Variants in PTPRT observed in about 807,000 individuals in gnomAD.
The protein encoded by PTPRT is protein tyrosine phosphatase receptor type T.
PTPRT carries 56 observed loss-of-function variants against 176.8 expected under a neutral mutation model. The ratio of observed to expected loss-of-function variants is 0.32; its 90% CI spans 0.26 to 0.40. The LOEUF (loss-of-function observed/expected upper bound fraction) is 0.40, where lower values mean the gene tolerates loss of function less well. PTPRT is among the 10% of genes least tolerant of loss of function. The pLI, the probability that PTPRT is intolerant of heterozygous loss-of-function variation, is 1.00. For missense variants in PTPRT, 1,540 were observed against 1,908.2 expected, an observed-to-expected ratio of 0.81 and a Z score of 3.60; for synonymous variants, 783 against 739.0, an observed-to-expected ratio of 1.06 and a Z score of -0.96.
At chr20:42,561,422 T>C (rs1719820919) in intron 7 of PTPRT, among the ~76,000 whole-genome samples, 1 of 152,186 alleles carries the variant, frequency 6.6e-6, no homozygotes, top group Non-Finnish European at 1.5e-5. Flanking sequence ...TTAATACCAA[T>C]GACACTGCTC....
chr20:42,763,429 G>A (rs1421478053), intron 5 of PTPRT, among the ~76,000 whole-genome samples: 4 of 150,476 alleles, frequency 2.7e-5, no homozygotes, highest in African/African-American at 9.9e-5. Context: ...GAAGCCTTCA[G>A]TGTGTTGGTT....
chr20:42,196,787 C>T (rs922375010), intron 16 of PTPRT, among the ~76,000 whole-genome samples: 1 of 152,056 alleles, frequency 6.6e-6, no homozygotes, highest in Non-Finnish European at 1.5e-5. Context: ...TTAGGCAAAC[C>T]GCAAATTTGC....
chr20:43,138,485 C>T (rs1054245461), intron 1 of PTPRT, among the ~76,000 whole-genome samples: 1 of 152,222 alleles, frequency 6.6e-6, no homozygotes, highest in African/African-American at 2.4e-5. Context: ...CACATGATAA[C>T]AGCATTTACC....
the PTPRT span, among the ~76,000 whole-genome samples, chr20:42,045,646 T>C: frequency 7.7e-6 from 1 of 130,416 alleles, no homozygotes; most frequent in East Asian, 2.1e-4. Flanking sequence ...CCTGTACAAG[T>C]GGAAAGTCCT....
At chr20:42,165,128 T>C (rs1221423869) in intron 16 of PTPRT, among the ~76,000 whole-genome samples, 1 of 152,050 alleles carries the variant, frequency 6.6e-6, no homozygotes, top group East Asian at 1.9e-4. Flanking sequence ...GTCTTCCTGC[T>C]CTCTCCTCCT....
rs73618869 is a variant in PTPRT at position 43,090,479 on chromosome 20, A to G, written c.88+99167T>C. 5.5e-3 allele frequency among the ~76,000 whole-genome samples: 841 copies of G among 152,226 alleles called. 3 individuals carry two copies. Among genetic ancestry groups the G allele is most frequent in the South Asian group, 9.1e-3 (44 of 4,818 alleles). On this transcript the variant is annotated intron_variant, in intron 1 of 30. Transcript: ENST00000373187. ...GAGACAGGGTTTCACCGTTTTAGCC[A>G]GGATGGTCTTGATATTCTGACCTCG... is the stretch of plus-strand genomic sequence containing the variant.
Position 42,494,931 on chromosome 20 carries a change from T to C in PTPRT, c.1154-22369A>G, listed in dbSNP as rs183616569. ...ACATTAATTTAGCATCACATCTTTC[T>C]AGAAACCTTTCCTGTTTCCTCGGGC... On this transcript the variant is annotated intron_variant, in intron 7 of 30. Coordinates refer to ENST00000373187, the MANE Select transcript of PTPRT (RefSeq NM_007050.6). 3.3e-4 allele frequency among the ~76,000 whole-genome samples: 50 copies of C among 152,340 alleles called. No individual in the cohort carries two copies. The East Asian group carries it at 6.4e-3, about 19-fold the overall frequency.
At chr20:43,188,251 C>T (rs1480964974) in intron 1 of PTPRT, among the ~76,000 whole-genome samples, 1 of 152,136 alleles carries the variant, frequency 6.6e-6, no homozygotes, top group East Asian at 1.9e-4. Flanking sequence ...TAGAATGGTG[C>T]TGTAGCTGTC....
At chr20:42,285,890 GAATA>G (rs2057222217) in intron 12 of PTPRT, among the ~76,000 whole-genome samples, 1 of 151,872 alleles carries the variant, frequency 6.6e-6, no homozygotes, top group African/African-American at 2.4e-5. Context: ...TTCTATACAT[GAATA>G]AACTACCTAA....
chr20:42,934,779 A>G (rs206641), intron 1 of PTPRT, among the ~76,000 whole-genome samples: 2,694 of 152,246 alleles, frequency 0.018, 76 homozygotes, highest in African/African-American at 0.062. Context: ...TAGCAAGATG[A>G]AAGCCATAGC....
intron 7 of PTPRT, among the ~76,000 whole-genome samples, chr20:42,608,755 G>T (rs2073925837): frequency 6.6e-6 from 1 of 152,164 alleles, no homozygotes; most frequent in South Asian, 2.1e-4. Context: ...TTGCCATGGG[G>T]TCCAGGCTTC....
At chr20:42,826,459 C>T (rs1464847188) in intron 2 of PTPRT, among the ~76,000 whole-genome samples, 1 of 152,082 alleles carries the variant, frequency 6.6e-6, no homozygotes, top group Non-Finnish European at 1.5e-5. Context: ...AATGGATAGC[C>T]AATGATGATG....
rs1262251876 is a variant in PTPRT at position 42,099,546 on chromosome 20, C to CGAG, written c.3715-995_3715-994insCTC. ...AGAGGCCCAGAGAAAATGGCCTGGG[C>CGAG]GGGGGGGGGGGGGGTGGGGTGGTCT... On this transcript the variant is annotated intron_variant, in intron 26 of 30. Transcript: ENST00000373187. Among the ~76,000 whole-genome samples, 134 of 28,896 alleles carry CGAG rather than the reference C, an allele frequency of 4.6e-3. 5 individuals carry two copies. The East Asian group carries it at 0.093, about 20-fold the overall frequency. 19.0% of individuals were successfully genotyped at this position (28,896 alleles called of 152,430 possible).
intron 6 of PTPRT, among the ~76,000 whole-genome samples, chr20:42,688,993 T>A: frequency 6.6e-6 from 1 of 151,494 alleles, no homozygotes; most frequent in East Asian, 1.9e-4. Flanking sequence ...AGGCCCAGAG[T>A]CCTGTGGACT....
chr20:42,736,345 A>G (rs538067088), intron 6 of PTPRT, among the ~76,000 whole-genome samples: 1 of 152,232 alleles, frequency 6.6e-6, no homozygotes, highest in Non-Finnish European at 1.5e-5. Flanking sequence ...GTGTGCAGTG[A>G]AAAGGTCTGA....
intron 16 of PTPRT, among the ~76,000 whole-genome samples, chr20:42,179,988 T>C (rs1436766892): frequency 1.3e-5 from 2 of 152,152 alleles, no homozygotes; most frequent in Non-Finnish European, 2.9e-5. Flanking sequence ...CAAGGACAGA[T>C]CCTGGATGCG....
intron 9 of PTPRT, among the ~76,000 whole-genome samples, chr20:42,376,770 G>T (rs1298995680): frequency 6.6e-6 from 1 of 152,168 alleles, no homozygotes; most frequent in African/African-American, 2.4e-5. Context: ...AGCCACAAAA[G>T]CCTGGGGAGT....
chr20:42,903,365 C>T (rs574098707), intron 1 of PTPRT, among the ~76,000 whole-genome samples: 2 of 152,352 alleles, frequency 1.3e-5, no homozygotes, highest in East Asian at 3.9e-4. Context: ...AAATGCTATG[C>T]ATGCAGAAGC....
intron 1 of PTPRT, among the ~76,000 whole-genome samples, chr20:42,978,157 C>T (rs1322868846): frequency 6.6e-6 from 1 of 152,180 alleles, no homozygotes; most frequent in Non-Finnish European, 1.5e-5. Context: ...CCTGAACATA[C>T]ATATTAATAT....
Sources: gnomAD v4.1 joint callset for allele counts (sites outside exome capture counted in the v4.1 genomes callset) on GRCh38, gnomAD v4.1.1 for gene constraint, MANE v1.5 for transcripts, NCBI Gene and HGNC (gene_info 2026-07-23, HGNC 2026-07-21) for gene names.